NOX4: variants seen among roughly 807,000 people sequenced by gnomAD.
NOX4 encodes the protein NADPH oxidase 4, also known as kidney oxidase-1.
NOX4 carries 69 observed loss-of-function variants against 87.6 expected under a neutral mutation model. The observed-to-expected ratio is 0.79, with a 90% CI of 0.65 to 0.96. NOX4 has a LOEUF of 0.96. Ranked by LOEUF, NOX4 falls within the 40% of genes least tolerant of loss-of-function variation. The probability of loss-of-function intolerance (pLI) is 0.00; values close to 1 mark genes in which losing one functional copy is unlikely to be tolerated. For missense variants in NOX4, 680 were observed against 681.5 expected (o/e 1.00, Z 0.02); for synonymous variants, 275 against 238.2 (o/e 1.15, Z -1.42).
At chr11:89,330,761 A>G (rs1945436468) in intron 17 of NOX4, among the ~76,000 whole-genome samples, 1 of 152,066 alleles carries the variant, frequency 6.6e-6, no homozygotes, top group Non-Finnish European at 1.5e-5. Flanking sequence ...GTACAAAGCA[A>G]TGGTGAACTG....
intron 12 of NOX4, among the ~76,000 whole-genome samples, chr11:89,363,601 A>G (rs946216026): frequency 1.8e-4 from 27 of 152,108 alleles, no homozygotes; most frequent in Admixed American, 3.3e-4. Flanking sequence ...CTAGGGATTT[A>G]AAGAAATTAA....
chr11:89,404,896 T>G (rs1942082085), intron 8 of NOX4, among the ~76,000 whole-genome samples: 1 of 152,124 alleles, frequency 6.6e-6, no homozygotes, highest in South Asian at 2.1e-4. Context: ...TAAGTGTTTT[T>G]ATTTATATTA....
At chr11:89,564,339 C>T in the NOX4 span, among the ~76,000 whole-genome samples, 5 of 152,066 alleles carry the variant, frequency 3.3e-5, no homozygotes, top group Non-Finnish European at 5.9e-5. Flanking sequence ...GCATGTCTTA[C>T]ATGACAGGAG....
chr11:89,449,548 G>T, intron 3 of NOX4, 24 bp from the exon 4 acceptor site: 1 of 1,561,510 alleles, frequency 6.4e-7, no homozygotes, highest in Non-Finnish European at 8.8e-7. Flanking sequence ...ATTTAATATG[G>T]TAAAAATAAT....
At chr11:89,577,260 ATTC>A in the NOX4 span, 1 of 152,186 alleles carries the variant, frequency 6.6e-6, no homozygotes, top group African/African-American at 2.4e-5. Flanking sequence ...TTGATAATCT[ATTC>A]TTATATATTT....
chr11:89,578,497 C>T, the NOX4 span, among the ~76,000 whole-genome samples: 1 of 152,158 alleles, frequency 6.6e-6, no homozygotes, highest in African/African-American at 2.4e-5. Context: ...GATATAGCTA[C>T]AATTTACCAT....
At chr11:89,501,877 G>T (rs983652595), upstream of NOX4, among the ~76,000 whole-genome samples, 4 of 152,220 alleles carry the variant, frequency 2.6e-5, no homozygotes, top group South Asian at 2.1e-4. Flanking sequence ...TTTACTGTGA[G>T]CCAGAAACAG....
chr11:89,345,130 T>C (rs1338728149), intron 13 of NOX4, among the ~76,000 whole-genome samples: 3 of 152,200 alleles, frequency 2.0e-5, no homozygotes, highest in Middle Eastern at 3.2e-3. Flanking sequence ...CAAATTTTAC[T>C]GTGTATCAGA....
chr11:89,504,386 T>C, the NOX4 span, among the ~76,000 whole-genome samples: 474 of 151,978 alleles, frequency 3.1e-3, 4 homozygotes, highest in African/African-American at 0.011. Context: ...ATAGACATGT[T>C]TTAAGTAGGG....
the NOX4 span, among the ~76,000 whole-genome samples, chr11:89,524,550 T>C: frequency 3.9e-5 from 6 of 152,090 alleles, no homozygotes; most frequent in Non-Finnish European, 7.4e-5. Flanking sequence ...AAGATTTGAA[T>C]TATCATATTG....
intron 2 of NOX4, among the ~76,000 whole-genome samples, chr11:89,455,572 T>G (rs558242897): frequency 3.7e-4 from 56 of 152,266 alleles, no homozygotes; most frequent in African/African-American, 1.2e-3. Flanking sequence ...CTCTCAAGTT[T>G]GTTCAAATAT....
chr11:89,447,872 A>G (rs1342523452), intron 4 of NOX4, among the ~76,000 whole-genome samples: 2 of 152,096 alleles, frequency 1.3e-5, no homozygotes, highest in African/African-American at 4.8e-5. Context: ...CTCCCCATCT[A>G]ACACCTGCAG....
intron 12 of NOX4, among the ~76,000 whole-genome samples, chr11:89,364,253 T>G (rs1476876581): frequency 6.6e-6 from 1 of 152,024 alleles, no homozygotes; most frequent in Non-Finnish European, 1.5e-5. Context: ...TCTCTCTCTC[T>G]CTTTCTCTCT....
chr11:89,559,529 T>A, the NOX4 span, among the ~76,000 whole-genome samples: 4 of 151,866 alleles, frequency 2.6e-5, no homozygotes, highest in African/African-American at 9.7e-5. Context: ...ACTGAATATG[T>A]ATTTAGGGAG....
intron 12 of NOX4, among the ~76,000 whole-genome samples, chr11:89,368,892 C>T (rs569416687): frequency 6.6e-6 from 1 of 152,062 alleles, no homozygotes; most frequent in Non-Finnish European, 1.5e-5. Flanking sequence ...TACTTAACAA[C>T]TCCACATCCT....
Position 89,360,652 on chromosome 11 carries a change from T to G in NOX4, c.1136-5609A>C, listed in dbSNP as rs539857651. On this transcript the variant is annotated intron_variant, in intron 12 of 17. Transcript: ENST00000263317. ...AGTTCAGTGATCTTTAAGCCACCTT[T>G]TAACTTTGAGTTGCTTAAAAAATAT... is the stretch of plus-strand genomic sequence containing the variant. Among the ~76,000 whole-genome samples, 3 of 152,180 alleles carry G rather than the reference T, an allele frequency of 2.0e-5. No individual in the cohort carries two copies. The South Asian group carries it at 6.2e-4, about 32-fold the overall frequency.
intron 7 of NOX4, among the ~76,000 whole-genome samples, chr11:89,426,715 A>C (rs1364845898): frequency 6.6e-6 from 1 of 152,110 alleles, no homozygotes; most frequent in Non-Finnish European, 1.5e-5. Context: ...AGGTAAACAA[A>C]GTGGCCTGGA....
At chr11:89,495,341 T>C (rs1305509703), upstream of NOX4, among the ~76,000 whole-genome samples, 1 of 152,078 alleles carries the variant, frequency 6.6e-6, no homozygotes, top group African/African-American at 2.4e-5. Flanking sequence ...CAGTGGCTGC[T>C]GACATTCTTT....
Position 89,473,563 on chromosome 11 carries a change from T to C in NOX4, c.153+16895A>G, listed in dbSNP as rs1024413963. On this transcript the variant is annotated intron_variant, in intron 2 of 17. Coordinates refer to ENST00000263317, the MANE Select transcript of NOX4 (RefSeq NM_016931.5). ...ATAATGATATATATTAAAACTCATATAGTGAATATAGGATATTCAATATAA... is the reference window on the plus strand; with the variant it reads ...ATAATGATATATATTAAAACTCATACAGTGAATATAGGATATTCAATATAA... Among the ~76,000 whole-genome samples the C allele has an allele frequency of 2.6e-5, 4 of 152,230 alleles. No individual in the cohort carries two copies. In the East Asian group the frequency reaches 5.8e-4, roughly 22 times the overall value.
Sources: gnomAD v4.1 joint callset for allele counts (sites outside exome capture counted in the v4.1 genomes callset) on GRCh38, gnomAD v4.1.1 for gene constraint, MANE v1.5 for transcripts, NCBI Gene and HGNC (gene_info 2026-07-23, HGNC 2026-07-21) for gene names.